The following KIF15 variants were observed in gnomAD, a reference collection of about 807,000 sequenced individuals.
KIF15 encodes kinesin family member 15.
A neutral mutation model predicts 190.6 loss-of-function variants in KIF15; 140 were observed. That is an observed-to-expected ratio of 0.73 (90% CI 0.64 to 0.84). The LOEUF is 0.84. Among genes scored for constraint, KIF15 ranks in the 40% least tolerant of loss-of-function variants. KIF15 has a pLI of 0.00. For synonymous variants in KIF15, 528 were observed against 551.3 expected (o/e 0.96, Z 0.59); for missense variants, 1,372 against 1,584.4 (o/e 0.87, Z 2.28).
At chr3:44,838,913 C>A (rs1364167144) in intron 27 of KIF15, among the ~76,000 whole-genome samples, 1 of 152,168 alleles carries the variant, frequency 6.6e-6, no homozygotes, top group Non-Finnish European at 1.5e-5. Flanking sequence ...AGGTCCTTGA[C>A]ACATGGCAAC....
chr3:44,784,908 A>G lies in KIF15; in HGVS notation c.425A>G (p.Tyr142Cys), dbSNP rs762863693. 6.3e-7 allele frequency: 1 copy of G among 1,584,810 alleles called. No individual in the cohort carries two copies. The highest frequency in any genetic ancestry group is 1.1e-5 in the South Asian group (1 of 87,622). ...GGAGTAATCCCACGAAGTTTTGAAT[A>G]TTTGTTTTCCTTAATTGATCGTGAA... ...LRGVIPRSFE[Y>C]LFSLIDREKE... The change falls in exon 6 of 35, where the codon TAT becomes TGT. Residue 142 changes from tyrosine to cysteine, a missense_variant. Tyr to Cys is a radical substitution (Grantham distance 194, BLOSUM62 -2). Transcript: ENST00000326047.
chr3:44,825,433 A>C (rs755894822), intron 20 of KIF15, among the ~76,000 whole-genome samples: 50 of 152,188 alleles, frequency 3.3e-4, no homozygotes, highest in Non-Finnish European at 5.6e-4. Flanking sequence ...TCTGCTTTGG[A>C]TGATCCAGAG....
chr3:44,804,670 A>T (rs767592250), intron 14 of KIF15, among the ~76,000 whole-genome samples: 7 of 152,186 alleles, frequency 4.6e-5, no homozygotes, highest in East Asian at 1.9e-4. Flanking sequence ...ACTGTGTCAC[A>T]TCCTGTGCCT....
intron 7 of KIF15, among the ~76,000 whole-genome samples, chr3:44,790,933 G>T (rs1308777003): frequency 6.6e-6 from 1 of 151,922 alleles, no homozygotes; most frequent in Non-Finnish European, 1.5e-5. Context: ...TGCCTGCCTC[G>T]GCCTCCCAAA....
intron 1 of KIF15, among the ~76,000 whole-genome samples, chr3:44,769,596 C>T (rs1399998990): frequency 2.6e-5 from 4 of 152,158 alleles, no homozygotes; most frequent in Non-Finnish European, 4.4e-5. Context: ...TTGGCTTAAT[C>T]GGCAGGAGTT....
At chr3:44,819,151 T>C (rs1708153278) in intron 20 of KIF15, among the ~76,000 whole-genome samples, 1 of 152,188 alleles carries the variant, frequency 6.6e-6, no homozygotes, top group Non-Finnish European at 1.5e-5. Flanking sequence ...TTTATTAGTC[T>C]TGCTAGCAGT....
chr3:44,863,381 G>C lies in KIF15; in HGVS notation c.*60-9948G>C, dbSNP rs1379233379. On this transcript the variant is annotated intron_variant and NMD_transcript_variant, in intron 6 of 6. Transcript: ENST00000422209. ...GGGGGACTGCATATCCTTTGTGTAG[G>C]AGGCTTCTAAAGATCTTCTCTTCTC... The C allele has an allele frequency of 3.4e-5, 5 of 145,154 alleles. No homozygotes were observed. The East Asian group carries it at 1.1e-3, about 32-fold the overall frequency. 9.0% of individuals were successfully genotyped at this position (145,154 alleles called of 1,614,324 possible).
intron 16 of KIF15, among the ~76,000 whole-genome samples, chr3:44,807,569 T>G (rs898412096): frequency 3.3e-5 from 5 of 152,132 alleles, no homozygotes; most frequent in African/African-American, 1.2e-4. Context: ...TCTCTTTCCT[T>G]CTGTTGTTCT....
At chr3:44,839,594 A>G (rs1698491838) in intron 27 of KIF15, among the ~76,000 whole-genome samples, 1 of 152,238 alleles carries the variant, frequency 6.6e-6, no homozygotes, top group South Asian at 2.1e-4. Context: ...TGTAATCACC[A>G]TGCCCTGCAG....
At position 44,834,306 on chromosome 3, in the gene KIF15, A is replaced by G. The variant is rs568633438; in HGVS notation, c.3171+3288A>G. 5.3e-5 allele frequency among the ~76,000 whole-genome samples: 8 copies of G among 152,298 alleles called. No individual in the cohort carries two copies. In the South Asian group the frequency reaches 1.7e-3, roughly 32 times the overall value. ...TACTTAGCCAATGCAGTAAAATGGA[A>G]ATACTAAGTGGGATACAAATATCAT... On this transcript the variant is annotated intron_variant, in intron 26 of 34. Transcript: ENST00000326047.
At chr3:44,807,980 G>C (rs1707594193) in intron 16 of KIF15, among the ~76,000 whole-genome samples, 1 of 151,872 alleles carries the variant, frequency 6.6e-6, no homozygotes. Flanking sequence ...CTGTCACTCA[G>C]GCTGGAGTGC....
rs1442628046 is a variant in KIF15, at chr3:44,825,145, A to G, written c.2550-894A>G. On this transcript the variant is annotated intron_variant, in intron 20 of 34. Coordinates refer to ENST00000326047, the MANE Select transcript of KIF15 (RefSeq NM_020242.3). ...GTACATCATTTACTGGGCTGCTTAT[A>G]TTCCACTGTGGCCTTCAATGGTTGT... Among the ~76,000 whole-genome samples, 4 of 152,344 alleles carry G rather than the reference A, an allele frequency of 2.6e-5. No individual in the cohort carries two copies. In the East Asian group the frequency reaches 7.7e-4, roughly 29 times the overall value.
intron 30 of KIF15, among the ~76,000 whole-genome samples, chr3:44,846,698 G>A (rs772715920): frequency 6.0e-5 from 9 of 151,164 alleles, no homozygotes; most frequent in Admixed American, 2.6e-4. Context: ...CGCTTGAACC[G>A]GGGAGGTGGA....
At chr3:44,821,031 T>C (rs1471712777) in intron 20 of KIF15, among the ~76,000 whole-genome samples, 1 of 111,636 alleles carries the variant, frequency 9.0e-6, no homozygotes, top group Non-Finnish European at 1.8e-5. Flanking sequence ...GCGGGGGGGC[T>C]GACCCCCCCA....
chr3:44,803,355 A>G (rs1707364909), intron 14 of KIF15, among the ~76,000 whole-genome samples: 1 of 152,230 alleles, frequency 6.6e-6, no homozygotes, highest in Non-Finnish European at 1.5e-5. Context: ...TGAAATGTTT[A>G]TCAATCTAAT....
chr3:44,795,683 TA>T (rs1706942356), intron 8 of KIF15, among the ~76,000 whole-genome samples: 4 of 37,150 alleles, frequency 1.1e-4, no homozygotes, highest in Non-Finnish European at 1.4e-4. Context: ...TATGTGTTTA[TA>T]TATATATATA....
chr3:44,764,664 A>G (rs1705306400), intron 1 of KIF15, among the ~76,000 whole-genome samples: 1 of 152,138 alleles, frequency 6.6e-6, no homozygotes, highest in African/African-American at 2.4e-5. Context: ...TTTGAGACAG[A>G]GTCTTGCTCT....
intron 5 of KIF15, among the ~76,000 whole-genome samples, chr3:44,784,489 C>G (rs181001926): frequency 2.3e-4 from 35 of 152,214 alleles, no homozygotes; most frequent in Middle Eastern, 3.4e-3. Flanking sequence ...TCCAATAACC[C>G]TATGTGATAT....
chr3:44,762,155 C>A (rs1186353807), intron 1 of KIF15, among the ~76,000 whole-genome samples: 1 of 152,180 alleles, frequency 6.6e-6, no homozygotes, highest in African/African-American at 2.4e-5. Context: ...ACGTTCTTCC[C>A]TTTCTTTCCC....
Sources: gnomAD v4.1 joint callset for allele counts (sites outside exome capture counted in the v4.1 genomes callset) on GRCh38, gnomAD v4.1.1 for gene constraint, MANE v1.5 for transcripts, NCBI Gene and HGNC (gene_info 2026-07-23, HGNC 2026-07-21) for gene names.